ZC2HC1C: variants seen among roughly 807,000 people sequenced by gnomAD.
ZC2HC1C encodes the protein zinc finger C2HC-type containing 1C.
ZC2HC1C carries 25 observed loss-of-function variants against 39.2 expected under a neutral mutation model. The ratio of observed to expected loss-of-function variants is 0.64; its 90% CI spans 0.47 to 0.89. The LOEUF (loss-of-function observed/expected upper bound fraction) is 0.89, where lower values mean the gene tolerates loss of function less well. ZC2HC1C is among the 40% of genes least tolerant of loss of function. The pLI, the probability that ZC2HC1C is intolerant of heterozygous loss-of-function variation, is 0.00. For missense variants in ZC2HC1C, 519 were observed against 548.6 expected, an observed-to-expected ratio of 0.95 and a Z score of 0.54; for synonymous variants, 209 against 214.4, an observed-to-expected ratio of 0.97 and a Z score of 0.22.
Position 75,077,772 on chromosome 14 carries a change from C to G in ZC2HC1C, c.*208C>G. On this transcript the variant is annotated 3_prime_UTR_variant, in exon 3 of 3. Coordinates refer to ENST00000524913, the MANE Select transcript of ZC2HC1C (RefSeq NM_024643.4). ...TAAGACCATCAAGAACTGTCTTCCA[C>G]CTCTAAGGAAGCATTATAGTTGAGC... 1 of 590,750 alleles carries G rather than the reference C, an allele frequency of 1.7e-6. No individual in the cohort carries two copies. 36.6% of individuals were successfully genotyped at this position (590,750 alleles called of 1,614,324 possible).
At chr14:75,073,770 A>G (rs1893534607) in intron 2 of ZC2HC1C, 1 of 406,432 alleles carries the variant, frequency 2.5e-6, no homozygotes, top group Admixed American at 3.4e-5. Context: ...TTAACTGAAT[A>G]GAATTTCAGT....
At position 75,071,372 on chromosome 14, in the gene ZC2HC1C, A is replaced by T. The variant is rs373265350; in HGVS notation, c.799A>T (p.Ile267Leu). 1.2e-5 allele frequency: 19 copies of T among 1,613,890 alleles called. No homozygotes were observed. The highest frequency in any genetic ancestry group is 6.7e-5 in the African/African-American group (5 of 74,868). The change falls in exon 2 of 3, where the codon ATA (isoleucine) becomes TTA (leucine). Residue 267 changes from isoleucine to leucine, a missense_variant. Coordinates refer to ENST00000524913, the MANE Select transcript of ZC2HC1C (RefSeq NM_024643.4). ...ENENGELQKI[I>L]LPRSRVKGNK... is the part of the protein sequence containing the mutation. ...TGAAAACGGAGAGCTACAGAAAATT[A>T]TACTCCCCAGGAGCAGAGTTAAAGG...
chr14:75,073,573 C>T, intron 2 of ZC2HC1C: 1 of 1,289,158 alleles, frequency 7.8e-7, no homozygotes, highest in Non-Finnish European at 1.0e-6. Flanking sequence ...TTCCACAGTG[C>T]TGTGCCTTTG....
In ZC2HC1C at chr14:75,069,710, G is replaced by T. The variant is rs1014010301; in HGVS notation, c.-59G>T. 1.9e-5 allele frequency: 3 copies of T among 161,704 alleles called. No individual in the cohort carries two copies. The highest frequency in any genetic ancestry group is 7.2e-5 in the African/African-American group (3 of 41,744). The allele number at this position is 161,704 out of a possible 1,614,324, so 10.0% of individuals were successfully genotyped here. On this transcript the variant is annotated 5_prime_UTR_variant, in exon 1 of 3. Coordinates refer to ENST00000524913, the MANE Select transcript of ZC2HC1C (RefSeq NM_024643.4). The stretch of plus-strand genomic sequence containing the variant: ...GGTCAGGTCTGGGAAACTAGGCCCT[G>T]GGGTTTTCCCTGAGCAGGAGCGGTG...
intron 2 of ZC2HC1C, 31 bp downstream of exon 2, chr14:75,071,942 G>A: frequency 1.9e-6 from 3 of 1,545,642 alleles, no homozygotes; most frequent in Non-Finnish European, 2.6e-6. Context: ...GTGACTTGGT[G>A]TGGTGATCAT....
In ZC2HC1C at chr14:75,070,594, G is replaced by GGC. The variant is rs1266097528; in HGVS notation, c.23_24dup (p.Ser9ArgfsTer38). The GGC allele has an allele frequency of 8.7e-6, 14 of 1,611,986 alleles. No individual in the cohort carries two copies. Among genetic ancestry groups the GGC allele is most frequent in the Non-Finnish European group, 1.2e-5 (14 of 1,178,998 alleles). ...CCTGAATGGCTGGTCTCCAGCGGTT[G>GGC]GCGTCACATCTGCCTGTGGGCGTTA... On this transcript the variant is annotated frameshift_variant, in exon 2 of 3. Transcript: ENST00000524913. LOFTEE classifies it high-confidence loss of function.
At position 75,077,409 on chromosome 14, in the gene ZC2HC1C, C is replaced by T. The variant is rs1893726140; in HGVS notation, c.1339-123C>T. On this transcript the variant is annotated intron_variant, in intron 2 of 2. Transcript: ENST00000524913. Reference sequence around the variant, plus strand: ...GGCAAGTCAGTTACCGCTGTTGCTCCTTTCCTGTTCTCTTTGACCTTGCAG... The same window carrying T: ...GGCAAGTCAGTTACCGCTGTTGCTCTTTTCCTGTTCTCTTTGACCTTGCAG... 2.3e-6 allele frequency: 3 copies of T among 1,325,884 alleles called. No homozygotes were observed. In the South Asian group the frequency reaches 3.8e-5, roughly 17 times the overall value. 82.1% of individuals were successfully genotyped at this position (1,325,884 alleles called of 1,614,324 possible).
rs1205861278 is a variant in ZC2HC1C, at chr14:75,071,504, CAAA to C, written c.933_935del (p.Gln311_Asn312delinsHis). The C allele has an allele frequency of 9.9e-6, 16 of 1,613,972 alleles. No individual in the cohort carries two copies. Among genetic ancestry groups the C allele is most frequent in the Admixed American group, 6.7e-5 (4 of 59,984 alleles). On this transcript the variant is annotated inframe_deletion, in exon 2 of 3. Coordinates refer to ENST00000524913, the MANE Select transcript of ZC2HC1C (RefSeq NM_024643.4). ...GGATGAAACTTGGGGACGGTCTCAA[CAAA>C]ATTCAGGTCCATTCCAGTTCTCTGA...
At chr14:75,075,253 C>A (rs2139683591) in intron 2 of ZC2HC1C, among the ~76,000 whole-genome samples, 1 of 152,312 alleles carries the variant, frequency 6.6e-6, no homozygotes, top group African/African-American at 2.4e-5. Context: ...ACTCTGATCC[C>A]TTCTGCTCCA....
Position 75,074,664 on chromosome 14 carries a change from C to T in ZC2HC1C, c.1338+2753C>T, listed in dbSNP as rs566212067. 1.7e-4 allele frequency among the ~76,000 whole-genome samples: 26 copies of T among 152,208 alleles called. No homozygotes were observed. The South Asian group carries it at 4.8e-3, about 28-fold the overall frequency. On this transcript the variant is annotated intron_variant, in intron 2 of 2. Transcript: ENST00000524913. ...TTGGCTTACTGCAACCTTCACCTCCCGTGTTCAAGCAATTATTGTGCCTCA... is the reference window on the plus strand; with the variant it reads ...TTGGCTTACTGCAACCTTCACCTCCTGTGTTCAAGCAATTATTGTGCCTCA...
chr14:75,073,025 ACCCT>A (rs754961695), intron 2 of ZC2HC1C, among the ~76,000 whole-genome samples: 15 of 152,002 alleles, frequency 9.9e-5, no homozygotes, highest in African/African-American at 2.2e-4. Context: ...TTTCTTCCCA[ACCCT>A]CCCTCCGCTG....
chr14:75,074,082 G>T (rs1332004135), intron 2 of ZC2HC1C, among the ~76,000 whole-genome samples: 1 of 152,080 alleles, frequency 6.6e-6, no homozygotes, highest in East Asian at 1.9e-4. Context: ...GCTAATTTTT[G>T]TATGTTTAGT....
chr14:75,074,599 G>A (rs1050769300), intron 2 of ZC2HC1C, among the ~76,000 whole-genome samples: 5 of 150,826 alleles, frequency 3.3e-5, no homozygotes, highest in South Asian at 2.1e-4. Context: ...TTTTTGAGAC[G>A]GAGTCTCTGT....
At chr14:75,073,954 C>T (rs577232198) in intron 2 of ZC2HC1C, among the ~76,000 whole-genome samples, 33 of 151,932 alleles carry the variant, frequency 2.2e-4, no homozygotes, top group Non-Finnish European at 4.0e-4. Flanking sequence ...TGCAGTGACG[C>T]GATCTCGGCT....
In ZC2HC1C at chr14:75,070,971, T is replaced by C. The variant is rs1446229935; in HGVS notation, c.398T>C (p.Val133Ala). The C allele has an allele frequency of 4.3e-6, 7 of 1,614,024 alleles. No individual in the cohort carries two copies. In the East Asian group the frequency reaches 1.3e-4, roughly 31 times the overall value. The change falls in exon 2 of 3, where the codon GTT becomes GCT. Residue 133 changes from valine (V) to alanine (A), a missense_variant. Val to Ala is a moderately conservative substitution (Grantham distance 64). Transcript: ENST00000524913. ...TTTATCCCCTTTACAAAGAAACGAG[T>C]TGGAGTGGACCGGGCGTTCCCATTG... ...QDFIPFTKKR[V>A]GVDRAFPLKP...
At chr14:75,072,483 T>G (rs1187688785) in intron 2 of ZC2HC1C, among the ~76,000 whole-genome samples, 1 of 152,250 alleles carries the variant, frequency 6.6e-6, no homozygotes, top group African/African-American at 2.4e-5. Flanking sequence ...GAATTCTTTT[T>G]CTGCCCATTT....
In ZC2HC1C at chr14:75,074,446, C is replaced by A. The variant is rs148846318; in HGVS notation, c.1338+2535C>A. 3.8e-3 allele frequency among the ~76,000 whole-genome samples: 579 copies of A among 152,290 alleles called. 4 individuals carry two copies. The highest frequency in any genetic ancestry group is 0.013 in the African/African-American group (558 of 41,556). On this transcript the variant is annotated intron_variant, in intron 2 of 2. Coordinates refer to ENST00000524913, the MANE Select transcript of ZC2HC1C (RefSeq NM_024643.4). ...TAGTACTGAATGACCTATAATGGAA[C>A]CCCTAATTCAGCCCCCGGAGGCAGC...
intron 2 of ZC2HC1C, among the ~76,000 whole-genome samples, 172 bp downstream of exon 2, chr14:75,072,083 T>A (rs956815405): frequency 6.6e-6 from 1 of 152,234 alleles, no homozygotes; most frequent in Admixed American, 6.5e-5. Flanking sequence ...GAGCTTTTCA[T>A]GTGATCTCCA....
intron 2 of ZC2HC1C, among the ~76,000 whole-genome samples, chr14:75,075,004 T>C (rs565106237): frequency 6.6e-6 from 1 of 152,232 alleles, no homozygotes; most frequent in African/African-American, 2.4e-5. Context: ...AGCTTTCACA[T>C]TGTAATGATC....
Sources: gnomAD v4.1 joint callset for allele counts (sites outside exome capture counted in the v4.1 genomes callset) on GRCh38, gnomAD v4.1.1 for gene constraint, MANE v1.5 for transcripts, NCBI Gene and HGNC (gene_info 2026-07-23, HGNC 2026-07-21) for gene names.